Variants in NDE1 observed in about 807,000 individuals in gnomAD.
The protein encoded by NDE1 is nudE neurodevelopment protein 1, also known as nuclear distribution protein nudE homolog 1.
A neutral mutation model predicts 43.4 loss-of-function variants in NDE1; 28 were observed. The ratio of observed to expected loss-of-function variants is 0.65; its 90% CI spans 0.48 to 0.89. The LOEUF is 0.89. Among genes scored for constraint, NDE1 ranks in the 40% least tolerant of loss-of-function variants. The pLI is 0.00. For missense variants in NDE1, 441 were observed against 434.1 expected (o/e 1.02, Z -0.14); for synonymous variants, 184 against 172.0 (o/e 1.07, Z -0.55).
intron 8 of NDE1, chr16:15,715,410 G>A (rs1000743087): frequency 7.8e-6 from 6 of 772,878 alleles, no homozygotes; most frequent in Non-Finnish European, 1.4e-5. Context: ...TCAGATGGTG[G>A]AATAGTATTC....
At chr16:15,703,579 G>C (rs568039479) in intron 8 of NDE1, 2 of 368,142 alleles carry the variant, frequency 5.4e-6, no homozygotes, top group African/African-American at 4.0e-5. Flanking sequence ...TTGAATACAG[G>C]GGTAGTAGGG....
chr16:15,666,036 G>A (rs1249836045), intron 2 of NDE1, among the ~76,000 whole-genome samples: 2 of 151,852 alleles, frequency 1.3e-5, no homozygotes, highest in African/African-American at 2.4e-5. Flanking sequence ...GATTACAGGC[G>A]TGAGCCACCA....
At chr16:15,717,671 C>T in intron 8 of NDE1, 1 of 436,006 alleles carries the variant, frequency 2.3e-6, no homozygotes, top group Non-Finnish European at 4.2e-6. Context: ...TGGCACGTGC[C>T]TGTAGTCCCA....
chr16:15,649,376 G>C (rs2036398237), upstream of NDE1: 1 of 152,200 alleles, frequency 6.6e-6, no homozygotes, highest in Non-Finnish European at 1.5e-5. Flanking sequence ...GCCTAGGCTA[G>C]AGTGCAGTGG....
At chr16:15,672,208 G>A (rs1381510308) in intron 3 of NDE1, among the ~76,000 whole-genome samples, 3 of 152,056 alleles carry the variant, frequency 2.0e-5, no homozygotes, top group African/African-American at 7.2e-5. Flanking sequence ...ACCGAGGCGG[G>A]CGGATCATGA....
chr16:15,721,517 C>T (rs1486496020), intron 8 of NDE1: 1 of 1,614,202 alleles, frequency 6.2e-7, no homozygotes, highest in Middle Eastern at 1.6e-4. Context: ...GCTTCCAAGG[C>T]CTCTTCAAGG....
intron 8 of NDE1, chr16:15,717,606 C>G (rs1360533276): frequency 3.5e-6 from 2 of 579,150 alleles, no homozygotes; most frequent in African/African-American, 3.7e-5. Flanking sequence ...ACCTGCCTGG[C>G]CAACATGGTG....
At chr16:15,672,707 C>G (rs1347916365) in intron 3 of NDE1, 1 of 152,190 alleles carries the variant, frequency 6.6e-6, no homozygotes, top group African/African-American at 2.4e-5. Context: ...GGAGATCTCT[C>G]AATCGCCAGT....
chr16:15,657,927 A>G (rs2036852018), intron 1 of NDE1, among the ~76,000 whole-genome samples: 1 of 152,162 alleles, frequency 6.6e-6, no homozygotes, highest in Admixed American at 6.6e-5. Context: ...GACTTTGAGC[A>G]AGTAAGGTCG....
intron 1 of NDE1, among the ~76,000 whole-genome samples, chr16:15,658,865 C>T (rs1004292419): frequency 1.3e-5 from 2 of 152,070 alleles, no homozygotes; most frequent in African/African-American, 4.8e-5. Context: ...CCATGTTGGC[C>T]AAGCTTGTCT....
upstream of NDE1, among the ~76,000 whole-genome samples, chr16:15,648,575 C>G (rs1204784211): frequency 2.6e-5 from 4 of 151,998 alleles, no homozygotes; most frequent in South Asian, 2.1e-4. Context: ...CTTTGGGAGA[C>G]TGAGGTGTAT....
chr16:15,719,121 C>G, intron 8 of NDE1: 1 of 1,219,578 alleles, frequency 8.2e-7, no homozygotes, highest in Non-Finnish European at 1.2e-6. Flanking sequence ...GAATGAAACT[C>G]TGTCTCGAAA....
chr16:15,701,002 G>C (rs571236286), intron 8 of NDE1, among the ~76,000 whole-genome samples: 2 of 152,076 alleles, frequency 1.3e-5, no homozygotes, highest in African/African-American at 4.8e-5. Context: ...TTGGAAGGCC[G>C]AGGCGGGTGG....
At chr16:15,720,376 G>C in intron 8 of NDE1, 1 of 1,562,382 alleles carries the variant, frequency 6.4e-7, no homozygotes, top group Non-Finnish European at 8.7e-7. Context: ...GGCTCACCTA[G>C]GCAGCACATC....
chr16:15,675,775 T>A (rs756178481), intron 3 of NDE1, among the ~76,000 whole-genome samples: 7 of 152,030 alleles, frequency 4.6e-5, no homozygotes, highest in Non-Finnish European at 8.8e-5. Flanking sequence ...CGGAACAGAA[T>A]CAAGAGAGCT....
intron 8 of NDE1, chr16:15,697,197 C>T (rs943024353): frequency 1.5e-5 from 6 of 388,440 alleles, no homozygotes; most frequent in South Asian, 2.1e-4. Flanking sequence ...TGCGTGTCAC[C>T]GTGCTCGGCT....
intron 5 of NDE1, among the ~76,000 whole-genome samples, chr16:15,689,382 C>CT (rs2038613532): frequency 6.6e-6 from 1 of 152,082 alleles, no homozygotes; most frequent in African/African-American, 2.4e-5. Flanking sequence ...GTTCCAGCTA[C>CT]TTAGGAGGCT....
chr16:15,724,716 T>C lies in NDE1; in HGVS notation c.*465T>C, dbSNP rs1218370073. On this transcript the variant is annotated 3_prime_UTR_variant, in exon 9 of 9. Coordinates refer to ENST00000396354, the MANE Select transcript of NDE1 (RefSeq NM_017668.3). ...CCTCCATCTCCTCGTCCAGCTGGTC[T>C]TGCAGGCTGTTCCGCTCCTCCTCCA... is the stretch of plus-strand genomic sequence containing the variant. The C allele has an allele frequency of 6.2e-7, 1 of 1,614,090 alleles. No individual in the cohort carries two copies. The highest frequency in any genetic ancestry group is 8.5e-7 in the Non-Finnish European group (1 of 1,180,028).
At chr16:15,711,511 T>G (rs993058116) in intron 8 of NDE1, among the ~76,000 whole-genome samples, 3 of 152,154 alleles carry the variant, frequency 2.0e-5, no homozygotes, top group Non-Finnish European at 4.4e-5. Flanking sequence ...TTTAAAAATA[T>G]AGAGGAGGTA....
Sources: gnomAD v4.1 joint callset for allele counts (sites outside exome capture counted in the v4.1 genomes callset) on GRCh38, gnomAD v4.1.1 for gene constraint, MANE v1.5 for transcripts, NCBI Gene and HGNC (gene_info 2026-07-23, HGNC 2026-07-21) for gene names.